SLIT3: variants seen among roughly 807,000 people sequenced by gnomAD.
The protein encoded by SLIT3 is slit homolog 3 protein.
Under a neutral mutation model 184.0 loss-of-function variants are expected in SLIT3, and 68 were observed. The observed-to-expected ratio is 0.37, with a 90% confidence interval of 0.30 to 0.45. The LOEUF (loss-of-function observed/expected upper bound fraction) is 0.45. SLIT3 is among the 20% of genes least tolerant of loss of function. SLIT3 has a pLI of 1.00. For missense variants in SLIT3, 1,707 were observed against 2,026.0 expected (o/e 0.84, Z 3.02); for synonymous variants, 831 against 828.6 (o/e 1.00, Z -0.05).
chr5:169,299,867 C>A (rs902820137), intron 1 of SLIT3, among the ~76,000 whole-genome samples: 6 of 151,832 alleles, frequency 4.0e-5, no homozygotes, highest in African/African-American at 1.5e-4. Context: ...CCCCTTCGTT[C>A]GGGGAGGCAT....
At chr5:169,241,291 A>G (rs568665024) in intron 3 of SLIT3, among the ~76,000 whole-genome samples, 98 of 152,308 alleles carry the variant, frequency 6.4e-4, no homozygotes, top group African/African-American at 2.2e-3. Context: ...ATCACATCAT[A>G]TTTTATGATA....
At chr5:169,083,437 C>A (rs941900218) in intron 4 of SLIT3, among the ~76,000 whole-genome samples, 25 of 152,182 alleles carry the variant, frequency 1.6e-4, no homozygotes, top group African/African-American at 6.0e-4. Flanking sequence ...CAACACCAAT[C>A]CAGGCTTAGC....
At chr5:169,021,350 C>CT (rs1318071695) in intron 4 of SLIT3, among the ~76,000 whole-genome samples, 1 of 151,848 alleles carries the variant, frequency 6.6e-6, no homozygotes, top group African/African-American at 2.4e-5. Flanking sequence ...AGATAGTATT[C>CT]TTTTTTCTTT....
intron 12 of SLIT3, among the ~76,000 whole-genome samples, chr5:168,779,732 C>T (rs953283893): frequency 2.6e-5 from 4 of 152,220 alleles, no homozygotes; most frequent in Admixed American, 1.3e-4. Flanking sequence ...GGAGAACCCT[C>T]GTGACTCAAG....
In SLIT3 at chr5:168,724,500, A is replaced by C. The variant is rs1466483151; in HGVS notation, c.2271-16T>G. The stretch of plus-strand genomic sequence containing the variant: ...TTCCAGGTACCTGAAAGAGGTGTGG[A>C]GAGACAACACCTGAGAAAGAGACAC... On this transcript the variant is annotated splice_polypyrimidine_tract_variant and intron_variant, in intron 20 of 35. Coordinates refer to ENST00000519560, the MANE Select transcript of SLIT3 (RefSeq NM_003062.4). The C allele has an allele frequency of 2.5e-6, 4 of 1,608,050 alleles. No individual in the cohort carries two copies. Among genetic ancestry groups the C allele is most frequent in the Non-Finnish European group, 3.4e-6 (4 of 1,175,374 alleles).
At chr5:168,839,126 G>A (rs758483554) in intron 6 of SLIT3, among the ~76,000 whole-genome samples, 5 of 152,174 alleles carry the variant, frequency 3.3e-5, no homozygotes, top group Non-Finnish European at 4.4e-5. Context: ...TGAGGGATTC[G>A]TGATTGCCTC....
chr5:169,195,989 A>G, intron 3 of SLIT3, among the ~76,000 whole-genome samples: 1 of 152,210 alleles, frequency 6.6e-6, no homozygotes, highest in Non-Finnish European at 1.5e-5. Flanking sequence ...ACTAATCTCC[A>G]GAACTTTTTC....
rs528000900 is a variant in SLIT3, at chr5:169,079,183, G to T, written c.413+114296C>A. Among the ~76,000 whole-genome samples, 13 of 152,226 alleles carry T rather than the reference G, an allele frequency of 8.5e-5. No individual in the cohort carries two copies. In the East Asian group the frequency reaches 1.4e-3, roughly 16 times the overall value. On this transcript the variant is annotated intron_variant, in intron 4 of 35. Coordinates refer to ENST00000519560, the MANE Select transcript of SLIT3 (RefSeq NM_003062.4). ...TGATGAATTCTTTCCTTTTCTATCT[G>T]GGAGAAAAAATGCTTTAAGGAGCCC...
intron 4 of SLIT3, chr5:168,994,041 C>G (rs1167570100): frequency 6.6e-6 from 1 of 152,270 alleles, no homozygotes; most frequent in African/African-American, 2.4e-5. Flanking sequence ...CCAGCTGCAA[C>G]CTTGCCCCTG....
At chr5:168,755,400 T>TC (rs1491510050) in intron 16 of SLIT3, among the ~76,000 whole-genome samples, 2 of 17,516 alleles carry the variant, frequency 1.1e-4, no homozygotes, top group East Asian at 3.6e-3. Context: ...TTTCTTTCTT[T>TC]CTTTCTTTCT....
chr5:168,734,669 A>G (rs999093462), intron 20 of SLIT3, among the ~76,000 whole-genome samples: 2 of 152,232 alleles, frequency 1.3e-5, no homozygotes, highest in Admixed American at 6.5e-5. Context: ...CTAAAGTTAT[A>G]TAAGACAGCC....
At chr5:168,950,536 A>G (rs1425857038) in intron 4 of SLIT3, among the ~76,000 whole-genome samples, 1 of 152,202 alleles carries the variant, frequency 6.6e-6, no homozygotes, top group Non-Finnish European at 1.5e-5. Flanking sequence ...TTCTAGGAAA[A>G]AAGCAGCCAT....
At chr5:169,148,645 C>T (rs979709066) in intron 4 of SLIT3, among the ~76,000 whole-genome samples, 7 of 152,150 alleles carry the variant, frequency 4.6e-5, no homozygotes, top group Non-Finnish European at 8.8e-5. Context: ...GTCGTCATCT[C>T]GCATAAACAA....
At chr5:169,101,638 C>G (rs1760019905) in intron 4 of SLIT3, among the ~76,000 whole-genome samples, 1 of 152,294 alleles carries the variant, frequency 6.6e-6, no homozygotes, top group African/African-American at 2.4e-5. Flanking sequence ...CATTTCATTG[C>G]TAAAAGAATC....
chr5:168,842,680 C>A (rs1049252203), intron 6 of SLIT3, among the ~76,000 whole-genome samples: 1 of 152,086 alleles, frequency 6.6e-6, no homozygotes, highest in Non-Finnish European at 1.5e-5. Context: ...TGACCCAAGC[C>A]CCACCCAGGT....
chr5:169,259,325 C>T (rs766918927), intron 1 of SLIT3, among the ~76,000 whole-genome samples: 3 of 152,234 alleles, frequency 2.0e-5, no homozygotes, highest in Non-Finnish European at 4.4e-5. Flanking sequence ...TCCCAAAGTG[C>T]TGGGATTACA....
chr5:169,030,728 T>A (rs1222618043), intron 4 of SLIT3, among the ~76,000 whole-genome samples: 1 of 152,218 alleles, frequency 6.6e-6, no homozygotes, highest in Non-Finnish European at 1.5e-5. Context: ...TTCATCTTTG[T>A]CTTATTTTAT....
At chr5:169,114,208 C>T (rs924930077) in intron 4 of SLIT3, among the ~76,000 whole-genome samples, 1 of 152,172 alleles carries the variant, frequency 6.6e-6, no homozygotes, top group Non-Finnish European at 1.5e-5. Context: ...TATGCCTTCT[C>T]TTTTTCTGTG....
At chr5:168,688,114 G>A (rs1761801942) in intron 29 of SLIT3, among the ~76,000 whole-genome samples, 1 of 152,210 alleles carries the variant, frequency 6.6e-6, no homozygotes, top group South Asian at 2.1e-4. Context: ...AAACACACCT[G>A]AATGCACCGA....
Sources: gnomAD v4.1 joint callset for allele counts (sites outside exome capture counted in the v4.1 genomes callset) on GRCh38, gnomAD v4.1.1 for gene constraint, MANE v1.5 for transcripts, NCBI Gene and HGNC (gene_info 2026-07-23, HGNC 2026-07-21) for gene names.